TRDN: variants seen among roughly 807,000 people sequenced by gnomAD.
TRDN encodes triadin in skeletal muscle.
TRDN carries 161 observed loss-of-function variants against 149.7 expected under a neutral mutation model. That is an observed-to-expected ratio of 1.08 (90% CI 0.95 to 1.23). The LOEUF (loss-of-function observed/expected upper bound fraction) is 1.23, where lower values mean the gene tolerates loss of function less well. TRDN is among the 50% of genes most tolerant of loss of function. The probability of loss-of-function intolerance (pLI) is 0.00; values close to 1 mark genes in which losing one functional copy is unlikely to be tolerated. For synonymous variants in TRDN, 294 were observed against 250.5 expected (o/e 1.17, Z -1.64); for missense variants, 896 against 823.5 (o/e 1.09, Z -1.08).
intron 7 of TRDN, among the ~76,000 whole-genome samples, chr6:123,511,280 A>C (rs1779172044): frequency 6.6e-6 from 1 of 152,144 alleles, no homozygotes; most frequent in African/African-American, 2.4e-5. Context: ...AAATAGAATG[A>C]CTATAGTTAA....
chr6:123,469,254 T>A (rs1413529910), intron 9 of TRDN, among the ~76,000 whole-genome samples: 1 of 152,182 alleles, frequency 6.6e-6, no homozygotes, highest in Non-Finnish European at 1.5e-5. Context: ...GGCTGAGACA[T>A]GTGATTGTGC....
At chr6:123,391,271 T>G (rs1030288125) in intron 13 of TRDN, among the ~76,000 whole-genome samples, 2 of 151,152 alleles carry the variant, frequency 1.3e-5, no homozygotes, top group Non-Finnish European at 2.9e-5. Context: ...TTCAGCTAGT[T>G]TTTTCCCTTC....
intron 1 of TRDN, among the ~76,000 whole-genome samples, chr6:123,631,985 T>C (rs1786029236): frequency 6.6e-6 from 1 of 152,110 alleles, no homozygotes; most frequent in African/African-American, 2.4e-5. Flanking sequence ...AAAAATATAA[T>C]TATTCATTAA....
chr6:123,393,685 TG>T lies in TRDN; in HGVS notation c.1052-9del, dbSNP rs1404718387. 2 of 1,600,518 alleles carry T rather than the reference TG, an allele frequency of 1.2e-6. No homozygotes were observed. Among genetic ancestry groups the T allele is most frequent in the Non-Finnish European group, 1.7e-6 (2 of 1,172,422 alleles). ...CAGAAGCTTTTCCCGGCTCTTGGAA[TG>T]AAAAAAACATAAATTACCATGAAGT... is the stretch of plus-strand genomic sequence containing the variant. On this transcript the variant is annotated splice_polypyrimidine_tract_variant and intron_variant, in intron 12 of 40. Coordinates refer to ENST00000334268, the MANE Select transcript of TRDN (RefSeq NM_006073.4).
chr6:123,329,982 C>G (rs962198039), intron 23 of TRDN, among the ~76,000 whole-genome samples: 3 of 151,946 alleles, frequency 2.0e-5, no homozygotes, highest in Non-Finnish European at 4.4e-5. Context: ...ATATATGTTG[C>G]CCCTGTCCCC....
At chr6:123,633,712 A>C (rs78427505) in intron 1 of TRDN, among the ~76,000 whole-genome samples, 2 of 151,898 alleles carry the variant, frequency 1.3e-5, no homozygotes, top group Non-Finnish European at 2.9e-5. Context: ...TTTATCTATT[A>C]CTCTGTACCT....
At chr6:123,447,696 G>T (rs1299765836) in intron 10 of TRDN, among the ~76,000 whole-genome samples, 1 of 150,842 alleles carries the variant, frequency 6.6e-6, no homozygotes, top group African/African-American at 2.4e-5. Flanking sequence ...ACTTCTTCAA[G>T]ATACCATACT....
chr6:123,254,263 T>A (rs573465941), intron 37 of TRDN, among the ~76,000 whole-genome samples: 2 of 152,174 alleles, frequency 1.3e-5, no homozygotes, highest in East Asian at 3.9e-4. Flanking sequence ...CAATTGAAAG[T>A]TTTACCTCTT....
chr6:123,290,948 G>A (rs1361366080), intron 24 of TRDN, among the ~76,000 whole-genome samples: 1 of 151,976 alleles, frequency 6.6e-6, no homozygotes, highest in Non-Finnish European at 1.5e-5. Context: ...CTTAAGGTCA[G>A]GAGTTGGAGA....
At chr6:123,278,979 A>T in intron 25 of TRDN, 77 bp downstream of exon 25, 1 of 1,302,422 alleles carries the variant, frequency 7.7e-7, no homozygotes, top group Non-Finnish European at 1.1e-6. Context: ...GATAAATAAC[A>T]GCATGCATTT....
At chr6:123,260,928 T>A (rs145749769) in intron 33 of TRDN, among the ~76,000 whole-genome samples, 3 of 151,702 alleles carry the variant, frequency 2.0e-5, no homozygotes, top group Non-Finnish European at 4.4e-5. Context: ...ATCTAGTACT[T>A]GATAGAACAA....
intron 2 of TRDN, among the ~76,000 whole-genome samples, chr6:123,566,853 T>G (rs150633291): frequency 1.3e-5 from 2 of 152,228 alleles, no homozygotes; most frequent in African/African-American, 4.8e-5. Flanking sequence ...ATACACATAT[T>G]TCAAGAATTG....
intron 1 of TRDN, among the ~76,000 whole-genome samples, chr6:123,587,279 C>T (rs1227102086): frequency 2.0e-5 from 3 of 152,080 alleles, no homozygotes; most frequent in Admixed American, 2.0e-4. Flanking sequence ...AGGCTGCCTT[C>T]CCTAGTCCAT....
At chr6:123,250,678 T>C (rs909680887) in intron 38 of TRDN, among the ~76,000 whole-genome samples, 1 of 152,110 alleles carries the variant, frequency 6.6e-6, no homozygotes, top group Non-Finnish European at 1.5e-5. Context: ...TTAAATGATA[T>C]ATTTTTCTTT....
At position 123,602,750 on chromosome 6, in the gene TRDN, C is replaced by A. The variant is rs564713404; in HGVS notation, c.23-31618G>T. 5.3e-5 allele frequency among the ~76,000 whole-genome samples: 8 copies of A among 152,126 alleles called. 1 individual carries two copies. In the South Asian group the frequency reaches 6.2e-4, roughly 12 times the overall value. On this transcript the variant is annotated intron_variant, in intron 1 of 40. Transcript: ENST00000334268. Reference sequence around the variant, plus strand: ...CTTAGGATAAACTTCCCTCTCCCTGCACTTATGGTGGAAAGAGCACCTTTT... The same window carrying A: ...CTTAGGATAAACTTCCCTCTCCCTGAACTTATGGTGGAAAGAGCACCTTTT...
At position 123,429,290 on chromosome 6, in the gene TRDN, C is replaced by T. The variant is rs114092148; in HGVS notation, c.1051+8773G>A. The T allele has an allele frequency of 5.3e-4, 81 of 152,164 alleles. 1 individual carries two copies. Among genetic ancestry groups the T allele is most frequent in the African/African-American group, 1.7e-3 (69 of 41,508 alleles). The allele number at this position is 152,164 out of a possible 1,614,324, so 9.4% of individuals were successfully genotyped here. On this transcript the variant is annotated intron_variant, in intron 12 of 40. Transcript: ENST00000334268. Reference sequence around the variant, plus strand: ...TATAAAAAGTGGATTATAATGGTTACCTTACAGAGTTGTTATGATTAAATG... The same window carrying T: ...TATAAAAAGTGGATTATAATGGTTATCTTACAGAGTTGTTATGATTAAATG...
chr6:123,363,509 T>C (rs1193324331), intron 20 of TRDN, among the ~76,000 whole-genome samples: 1 of 152,224 alleles, frequency 6.6e-6, no homozygotes, highest in Non-Finnish European at 1.5e-5. Flanking sequence ...ACTCAATATG[T>C]AGAATTATAT....
chr6:123,631,339 G>A (rs1785994883), intron 1 of TRDN, among the ~76,000 whole-genome samples: 1 of 151,794 alleles, frequency 6.6e-6, no homozygotes, highest in Non-Finnish European at 1.5e-5. Context: ...GCATCATGTT[G>A]ACTTCTTAGG....
intron 23 of TRDN, among the ~76,000 whole-genome samples, chr6:123,328,990 T>G (rs1217095131): frequency 6.6e-6 from 1 of 152,166 alleles, no homozygotes; most frequent in Admixed American, 6.6e-5. Flanking sequence ...GTTACGGCTT[T>G]TAAAATTTAT....
Sources: gnomAD v4.1 joint callset for allele counts (sites outside exome capture counted in the v4.1 genomes callset) on GRCh38, gnomAD v4.1.1 for gene constraint, MANE v1.5 for transcripts, NCBI Gene and HGNC (gene_info 2026-07-23, HGNC 2026-07-21) for gene names.